The following NCOA1 variants were observed in gnomAD, a reference collection of about 807,000 sequenced individuals.
NCOA1 encodes the protein nuclear receptor coactivator 1.
In NCOA1, 35 loss-of-function variants were observed where a neutral mutation model predicts 150.9. The ratio of observed to expected loss-of-function variants is 0.23; its 90% confidence interval spans 0.18 to 0.31. The LOEUF is 0.31. Among genes scored for constraint, NCOA1 ranks in the 10% least tolerant of loss-of-function variants. The pLI, the probability that NCOA1 is intolerant of heterozygous loss-of-function variation, is 1.00. For missense variants in NCOA1, 1,491 were observed against 1,749.3 expected, an observed-to-expected ratio of 0.85 and a Z score of 2.63; for synonymous variants, 590 against 630.0, an observed-to-expected ratio of 0.94 and a Z score of 0.95.
rs1227101228 is a variant in NCOA1, at chr2:24,768,284, C to T, written c.4219C>T (p.Pro1407Ser). The part of the protein sequence containing the change: ...QCTVNLVGGD[P>S]YLNQPGPLGT... The stretch of plus-strand genomic sequence containing the variant: ...TACAGTGAATCTGGTAGGCGGGGAC[C>T]CTTACCTGAACCAGCCTGGTCCACT... Residue 1407 changes from proline (P) to serine (S), a missense_variant, in exon 23 of 23, where the codon CCT (proline) becomes TCT (serine). By Grantham distance (74) the Pro-to-Ser change is moderately conservative. This residue lies in a region of NCOA1 where 46 missense variants were observed against 78.8 expected (regional missense o/e 0.58). Transcript: ENST00000348332. 1.2e-6 allele frequency: 2 copies of T among 1,613,756 alleles called. No individual in the cohort carries two copies. The highest frequency in any genetic ancestry group is 1.1e-5 in the South Asian group (1 of 91,052).
intron 7 of NCOA1, among the ~76,000 whole-genome samples, chr2:24,681,961 G>T (rs889690449): frequency 6.6e-6 from 1 of 152,046 alleles, no homozygotes; most frequent in East Asian, 1.9e-4. Flanking sequence ...TGATCCACCC[G>T]CCTCAGCCTC....
chr2:24,542,674 G>A (rs138389145), intron 1 of NCOA1, among the ~76,000 whole-genome samples: 241 of 152,280 alleles, frequency 1.6e-3, no homozygotes, highest in Middle Eastern at 6.8e-3. Context: ...CTGCAAGTTC[G>A]TAAGAGGAGA....
chr2:24,670,352 C>G (rs1671624108), intron 6 of NCOA1, among the ~76,000 whole-genome samples: 1 of 152,050 alleles, frequency 6.6e-6, no homozygotes, highest in Admixed American at 6.6e-5. Flanking sequence ...AAAACCTGTC[C>G]ATACAAAAAA....
At chr2:24,586,819 C>T in intron 3 of NCOA1, among the ~76,000 whole-genome samples, 1 of 152,164 alleles carries the variant, frequency 6.6e-6, no homozygotes, top group East Asian at 1.9e-4. Flanking sequence ...TCTGTCCTCT[C>T]AGAGACTTTC....
chr2:24,507,435 G>GTTTTTTTTTTTTTTTTTTTT (rs10651704), intron 1 of NCOA1, among the ~76,000 whole-genome samples: 1 of 126,526 alleles, frequency 7.9e-6, no homozygotes. Context: ...GAGCTGCTGG[G>GTTTTTTTTTTTTTTTTTTTT]TTTTTTTTTT....
At chr2:24,626,645 A>G (rs575817069) in intron 3 of NCOA1, among the ~76,000 whole-genome samples, 14 of 152,318 alleles carry the variant, frequency 9.2e-5, no homozygotes, top group African/African-American at 3.4e-4. Flanking sequence ...TGTTACCTGG[A>G]TATCTAAATA....
chr2:24,552,655 G>A (rs1014234565), intron 1 of NCOA1, among the ~76,000 whole-genome samples: 3 of 151,734 alleles, frequency 2.0e-5, no homozygotes, highest in Non-Finnish European at 4.4e-5. Context: ...GTGACCCACC[G>A]CTCCCGGCCT....
intron 3 of NCOA1, among the ~76,000 whole-genome samples, chr2:24,610,828 C>T (rs1037729802): frequency 1.3e-5 from 2 of 150,606 alleles, no homozygotes; most frequent in African/African-American, 4.9e-5. Flanking sequence ...AACTGTGGAA[C>T]TCTTTAGACT....
chr2:24,567,332 G>A (rs554717673), intron 2 of NCOA1, among the ~76,000 whole-genome samples: 8 of 152,324 alleles, frequency 5.3e-5, no homozygotes, highest in South Asian at 2.1e-4. Flanking sequence ...CTTAGTACCA[G>A]AGCCATTTTA....
chr2:24,725,785 A>G (rs988928170), intron 14 of NCOA1, among the ~76,000 whole-genome samples: 7 of 151,694 alleles, frequency 4.6e-5, no homozygotes, highest in Non-Finnish European at 1.0e-4. Flanking sequence ...AATATATATG[A>G]AATAGTTTAT....
chr2:24,699,124 G>A (rs549045980), intron 11 of NCOA1, among the ~76,000 whole-genome samples: 4 of 152,318 alleles, frequency 2.6e-5, no homozygotes, highest in South Asian at 2.1e-4. Context: ...TGAACTTTGT[G>A]ATTTCCTCTG....
At chr2:24,766,218 G>C (rs1665057911) in intron 22 of NCOA1, among the ~76,000 whole-genome samples, 1 of 152,074 alleles carries the variant, frequency 6.6e-6, no homozygotes, top group Non-Finnish European at 1.5e-5. Context: ...CTTTTAAAAA[G>C]TTTTATTTTT....
intron 3 of NCOA1, among the ~76,000 whole-genome samples, chr2:24,635,437 G>T (rs1287384959): frequency 6.6e-6 from 1 of 151,762 alleles, no homozygotes; most frequent in African/African-American, 2.4e-5. Flanking sequence ...TCTGGCTTCA[G>T]TTACTGCTTG....
At chr2:24,602,247 C>CTGGA (rs910673749) in intron 3 of NCOA1, among the ~76,000 whole-genome samples, 9 of 152,250 alleles carry the variant, frequency 5.9e-5, no homozygotes, top group African/African-American at 2.2e-4. Flanking sequence ...GTCTCCCAGG[C>CTGGA]TGGAATGCAG....
At position 24,558,484 on chromosome 2, in the gene NCOA1, C is replaced by T. The variant is rs189005702; in HGVS notation, c.-395-5811C>T. 2.6e-5 allele frequency among the ~76,000 whole-genome samples: 4 copies of T among 152,200 alleles called. No individual in the cohort carries two copies. In the East Asian group the frequency reaches 5.8e-4, roughly 22 times the overall value. On this transcript the variant is annotated intron_variant, in intron 1 of 22. Coordinates refer to ENST00000348332, the MANE Select transcript of NCOA1 (RefSeq NM_003743.5). The stretch of plus-strand genomic sequence containing the variant: ...ATAAGGAAGAAGCAAAAGTGGAAAC[C>T]CCTGATAAAACCCATCAGATCTCAT...
At chr2:24,518,565 G>A (rs886550366) in intron 1 of NCOA1, among the ~76,000 whole-genome samples, 3 of 152,038 alleles carry the variant, frequency 2.0e-5, no homozygotes, top group Non-Finnish European at 4.4e-5. Flanking sequence ...ATTTGCAGAT[G>A]ACATTGATTA....
chr2:24,523,655 C>T (rs1179607796), intron 1 of NCOA1, among the ~76,000 whole-genome samples: 14 of 135,892 alleles, frequency 1.0e-4, no homozygotes, highest in Admixed American at 4.7e-4. Flanking sequence ...TGGCCAGCCA[C>T]GGTGGCTCAC....
chr2:24,531,918 C>T (rs1030885005), intron 1 of NCOA1, among the ~76,000 whole-genome samples: 7 of 152,246 alleles, frequency 4.6e-5, no homozygotes, highest in African/African-American at 7.2e-5. Flanking sequence ...AGTAAACATA[C>T]GTGTGCATGT....
At chr2:24,677,408 G>A (rs1671965519) in intron 7 of NCOA1, among the ~76,000 whole-genome samples, 1 of 152,112 alleles carries the variant, frequency 6.6e-6, no homozygotes, top group Admixed American at 6.5e-5. Flanking sequence ...AAAGGAAAGA[G>A]GGATGTTTTT....
Sources: allele counts gnomAD v4.1 joint callset (sites outside exome capture counted in the v4.1 genomes callset), GRCh38; gene constraint gnomAD v4.1.1; regional missense constraint gnomAD v4.1.1; transcripts MANE v1.5; gene names NCBI Gene and HGNC (gene_info 2026-07-23, HGNC 2026-07-21).